Variants in PRKCQ observed in about 807,000 individuals in gnomAD.
PRKCQ encodes protein kinase C theta.
A neutral mutation model predicts 91.2 loss-of-function variants in PRKCQ; 41 were observed. That is an observed-to-expected ratio of 0.45 (90% CI 0.35 to 0.58). The LOEUF is 0.58. Among genes scored for constraint, PRKCQ ranks in the 20% least tolerant of loss-of-function variants. The pLI, the probability that PRKCQ is intolerant of heterozygous loss-of-function variation, is 0.00. For synonymous variants in PRKCQ, 307 were observed against 316.9 expected (o/e 0.97, Z 0.33); for missense variants, 673 against 896.5 (o/e 0.75, Z 3.18).
intron 7 of PRKCQ, among the ~76,000 whole-genome samples, chr10:6,495,494 T>C (rs6602747): frequency 0.057 from 8,703 of 152,324 alleles, 291 homozygotes; most frequent in African/African-American, 0.079. Flanking sequence ...GTTCCCTCCG[T>C]TGGGGAGATT....
Position 6,508,076 on chromosome 10 carries a change from C to G in PRKCQ, c.319-580G>C, listed in dbSNP as rs991835495. ...TAAAGAAAATTCTAATTACACTGAT[C>G]TGGGAAGGAATTTATAAATGTATAT... On this transcript the variant is annotated intron_variant, in intron 3 of 17. Transcript: ENST00000263125. Among the ~76,000 whole-genome samples the G allele has an allele frequency of 2.0e-4, 30 of 152,032 alleles. 1 individual carries two copies. The highest frequency in any genetic ancestry group is 1.2e-3 in the Admixed American group (19 of 15,268).
chr10:6,575,672 C>T (rs1290139667), intron 1 of PRKCQ, among the ~76,000 whole-genome samples: 7 of 152,200 alleles, frequency 4.6e-5, no homozygotes, highest in Non-Finnish European at 1.0e-4. Flanking sequence ...AGATCCCTGC[C>T]ATTGGGCATT....
chr10:6,528,533 T>C (rs894756254), intron 1 of PRKCQ, among the ~76,000 whole-genome samples: 13 of 152,284 alleles, frequency 8.5e-5, no homozygotes, highest in Middle Eastern at 3.4e-3. Context: ...GATCTGGCCT[T>C]TGTTATAACT....
In PRKCQ at chr10:6,491,851, G is replaced by C. The variant is rs774957717; in HGVS notation, c.661-39C>G. On this transcript the variant is annotated intron_variant, in intron 7 of 17. Coordinates refer to ENST00000263125, the MANE Select transcript of PRKCQ (RefSeq NM_006257.5). ...AGAAGGTGAAATCTGTGTATTCCTG[G>C]GGCCCCGACTTTGGATGTTCTTGCA... 3 of 1,613,670 alleles carry C rather than the reference G, an allele frequency of 1.9e-6. No individual in the cohort carries two copies. In the South Asian group the frequency reaches 3.3e-5, roughly 18 times the overall value.
chr10:6,422,755 G>T (rs1833035502), downstream of PRKCQ, among the ~76,000 whole-genome samples: 1 of 152,140 alleles, frequency 6.6e-6, no homozygotes, highest in Non-Finnish European at 1.5e-5. Flanking sequence ...TATAGTCAAA[G>T]CTTCATCCGC....
intron 16 of PRKCQ, 74 bp downstream of exon 16, chr10:6,441,819 A>G: frequency 6.9e-7 from 1 of 1,439,292 alleles, no homozygotes; most frequent in Non-Finnish European, 9.4e-7. Flanking sequence ...CAAGTTGGAA[A>G]CTAAGAGGAA....
At chr10:6,580,464 G>C (rs529486401), upstream of PRKCQ, 1,669 of 152,044 alleles carry the variant, frequency 0.011, 18 homozygotes, top group Middle Eastern at 0.017. Context: ...GTGCGCCCCC[G>C]GTCCCGCGCC....
the PRKCQ span, among the ~76,000 whole-genome samples, chr10:6,403,397 A>G: frequency 6.6e-6 from 1 of 152,200 alleles, no homozygotes; most frequent in Admixed American, 6.5e-5. Context: ...ATAATGATCC[A>G]GGCAGCTTGG....
the PRKCQ span, among the ~76,000 whole-genome samples, chr10:6,407,926 T>C: frequency 6.6e-6 from 1 of 152,156 alleles, no homozygotes. This position sits in a 1 kb window ranked among gnomAD's most constrained non-coding sequence, Gnocchi z 4.0. Context: ...GAAACTTCTC[T>C]AAAAATGTTC....
chr10:6,448,055 A>AGG (rs1470327307), intron 15 of PRKCQ, among the ~76,000 whole-genome samples: 1 of 152,166 alleles, frequency 6.6e-6, no homozygotes, highest in Non-Finnish European at 1.5e-5. Flanking sequence ...CAGGTGGAGT[A>AGG]GGGGGAAGCT....
chr10:6,578,931 T>C (rs1304782621), intron 1 of PRKCQ, among the ~76,000 whole-genome samples: 1 of 152,168 alleles, frequency 6.6e-6, no homozygotes, highest in Non-Finnish European at 1.5e-5. Flanking sequence ...ACCTTAGGAA[T>C]AGGGCTTGTC....
chr10:6,446,357 GTTTTTTTTTTTT>G (rs66839272), intron 15 of PRKCQ, among the ~76,000 whole-genome samples: 2 of 79,600 alleles, frequency 2.5e-5, no homozygotes, highest in South Asian at 9.7e-4. Context: ...ACTATGCTCA[GTTTTTTTTTTTT>G]TTTTTTTTTT....
At chr10:6,460,430 C>G (rs756065358) in intron 14 of PRKCQ, among the ~76,000 whole-genome samples, 6 of 151,814 alleles carry the variant, frequency 4.0e-5, no homozygotes, top group Non-Finnish European at 8.8e-5. Context: ...AGTCTAAGAT[C>G]TCTGTCTCTC....
At chr10:6,561,450 T>C (rs1018799771) in intron 1 of PRKCQ, among the ~76,000 whole-genome samples, 1 of 151,920 alleles carries the variant, frequency 6.6e-6, no homozygotes, top group African/African-American at 2.4e-5. Context: ...TTTGAACTTT[T>C]TGGAATCTTG....
intron 12 of PRKCQ, among the ~76,000 whole-genome samples, chr10:6,475,953 GAA>G (rs1297566600): frequency 6.6e-6 from 1 of 152,178 alleles, no homozygotes; most frequent in African/African-American, 2.4e-5. Context: ...ATTCTCTGCT[GAA>G]GTTTTTTTTT....
chr10:6,395,267 T>G, the PRKCQ span, among the ~76,000 whole-genome samples: 1 of 151,924 alleles, frequency 6.6e-6, no homozygotes. Context: ...GTTTTCACCG[T>G]GTTAGCCAGG....
intron 11 of PRKCQ, among the ~76,000 whole-genome samples, 174 bp from the exon 12 acceptor site, chr10:6,479,339 C>T (rs527748998): frequency 7.9e-5 from 12 of 152,274 alleles, no homozygotes; most frequent in Admixed American, 1.3e-4. Flanking sequence ...TCTCTGGTTT[C>T]GGACATGACA....
intron 1 of PRKCQ, among the ~76,000 whole-genome samples, chr10:6,539,914 C>T (rs59208262): frequency 0.04 from 6,072 of 152,196 alleles, 416 homozygotes; most frequent in African/African-American, 0.14. Flanking sequence ...TGAAATTTAC[C>T]TCCTTGGATA....
chr10:6,479,173 G>C lies in PRKCQ; in HGVS notation c.1180-8C>G. The C allele has an allele frequency of 1.2e-6, 2 of 1,613,116 alleles. No individual in the cohort carries two copies. The highest frequency in any genetic ancestry group is 2.7e-5 in the African/African-American group (2 of 74,980). The stretch of plus-strand genomic sequence containing the variant: ...GAATTCTGCCAGGAAGACCTAGAAG[G>C]AGAGGGAAGAAGTAACTTTATTTTA... On this transcript the variant is annotated splice_region_variant and splice_polypyrimidine_tract_variant and intron_variant, in intron 11 of 17. Transcript: ENST00000263125.
Sources: gnomAD v4.1 joint callset for allele counts (sites outside exome capture counted in the v4.1 genomes callset) on GRCh38, gnomAD v4.1.1 for gene constraint, Gnocchi (gnomAD v3.1) non-coding constraint, MANE v1.5 for transcripts, NCBI Gene and HGNC (gene_info 2026-07-23, HGNC 2026-07-21) for gene names.